SFMBT1: variants seen among roughly 807,000 people sequenced by gnomAD.
The protein encoded by SFMBT1 is Scm like with four mbt domains 1, also known as scm-like with four MBT domains protein 1.
In SFMBT1, 32 loss-of-function variants were observed where a neutral mutation model predicts 108.7. That is an observed-to-expected ratio of 0.29 (90% CI 0.22 to 0.40). The LOEUF is 0.40. Among genes scored for constraint, SFMBT1 ranks in the 10% least tolerant of loss-of-function variants. SFMBT1 has a pLI of 1.00. For missense variants in SFMBT1, 816 were observed against 1,059.6 expected, an observed-to-expected ratio of 0.77 and a Z score of 3.19; for synonymous variants, 348 against 369.5, an observed-to-expected ratio of 0.94 and a Z score of 0.67.
At chr3:52,957,572 A>C (rs748083656) in intron 2 of SFMBT1, among the ~76,000 whole-genome samples, 37 of 152,228 alleles carry the variant, frequency 2.4e-4, no homozygotes, top group Non-Finnish European at 4.9e-4. Flanking sequence ...ACTATACTAC[A>C]AGCCTCAAAA....
intron 3 of SFMBT1, among the ~76,000 whole-genome samples, chr3:52,946,986 G>A (rs1430358508): frequency 2.0e-5 from 3 of 151,902 alleles, no homozygotes; most frequent in Non-Finnish European, 4.4e-5. Context: ...TGGCCAGGCT[G>A]GTCTCTAACT....
At chr3:53,003,320 G>A (rs1373780721) in intron 1 of SFMBT1, among the ~76,000 whole-genome samples, 1 of 149,150 alleles carries the variant, frequency 6.7e-6, no homozygotes, top group East Asian at 2.0e-4. Context: ...TAATATTAAG[G>A]AATTATTCAT....
intron 1 of SFMBT1, among the ~76,000 whole-genome samples, chr3:53,037,235 G>C (rs1315005050): frequency 6.6e-6 from 1 of 152,180 alleles, no homozygotes. Context: ...ACTCTCCCTA[G>C]AAGGGGAGGC....
At chr3:53,003,953 A>T (rs1475318252) in intron 1 of SFMBT1, among the ~76,000 whole-genome samples, 1 of 149,802 alleles carries the variant, frequency 6.7e-6, no homozygotes, top group African/African-American at 2.4e-5. Context: ...GATATTTCCA[A>T]TTCCTAACCA....
At chr3:53,032,615 A>G (rs1158497782) in intron 1 of SFMBT1, among the ~76,000 whole-genome samples, 1 of 152,232 alleles carries the variant, frequency 6.6e-6, no homozygotes, top group Non-Finnish European at 1.5e-5. Flanking sequence ...ACATTTTCAA[A>G]TAGGAATAAC....
At chr3:52,932,353 T>A (rs376307615) in intron 5 of SFMBT1, 45 bp from the exon 6 acceptor site, 48 of 1,567,664 alleles carry the variant, frequency 3.1e-5, no homozygotes, top group Admixed American at 2.8e-4. Flanking sequence ...GAAATTAACA[T>A]AATATTTTTG....
At chr3:53,018,560 T>C (rs1378320419) in intron 1 of SFMBT1, among the ~76,000 whole-genome samples, 2 of 152,178 alleles carry the variant, frequency 1.3e-5, no homozygotes, top group Non-Finnish European at 2.9e-5. Flanking sequence ...AAAACCCCTT[T>C]GTGCCCTCCA....
At chr3:52,934,699 G>C (rs886351979) in intron 5 of SFMBT1, 114 bp downstream of exon 5, 22 of 828,224 alleles carry the variant, frequency 2.7e-5, no homozygotes, top group African/African-American at 5.1e-5. Context: ...CTATGCCTAT[G>C]TCTCTAATAA....
At chr3:53,001,375 G>T (rs756596054) in intron 1 of SFMBT1, among the ~76,000 whole-genome samples, 1 of 150,194 alleles carries the variant, frequency 6.7e-6, no homozygotes, top group Non-Finnish European at 1.5e-5. Context: ...AGGCTGCAGT[G>T]AGCCATGATC....
chr3:52,915,289 G>A (rs1404366903), intron 14 of SFMBT1, among the ~76,000 whole-genome samples: 1 of 152,224 alleles, frequency 6.6e-6, no homozygotes, highest in African/African-American at 2.4e-5. Context: ...GGCTGAGGTT[G>A]TGCAGAAGAT....
rs117496343 is a variant in SFMBT1 at position 53,013,370 on chromosome 3, G to A, written c.-131+32446C>T. Among the ~76,000 whole-genome samples, 162 of 151,652 alleles carry A rather than the reference G, an allele frequency of 1.1e-3. 3 individuals carry two copies. The East Asian group carries it at 0.014, about 14-fold the overall frequency. On this transcript the variant is annotated intron_variant, in intron 1 of 20. Transcript: ENST00000394752. The stretch of plus-strand genomic sequence containing the variant: ...ACTTAGAATTGCCAAAGAATATTAC[G>A]TCTTGAGTATAACTCTTAGTGGTAT...
At chr3:52,950,475 T>C (rs764694060) in intron 3 of SFMBT1, among the ~76,000 whole-genome samples, 3 of 152,194 alleles carry the variant, frequency 2.0e-5, no homozygotes, top group Non-Finnish European at 4.4e-5. Context: ...CTGTCATTAC[T>C]TTTTTTGTTT....
intron 1 of SFMBT1, among the ~76,000 whole-genome samples, chr3:53,042,851 A>C (rs192941367): frequency 1.4e-3 from 211 of 152,386 alleles, no homozygotes; most frequent in African/African-American, 5.0e-3. Flanking sequence ...ATAATAGCTA[A>C]GTCATCAATT....
Position 52,930,426 on chromosome 3 carries a change from T to C in SFMBT1, c.800A>G (p.Lys267Arg), listed in dbSNP as rs35652837. The C allele has an allele frequency of 1.3e-4, 213 of 1,603,006 alleles. No individual in the cohort carries two copies. The highest frequency in any genetic ancestry group is 1.7e-4 in the Non-Finnish European group (200 of 1,170,006). Residue 267 changes from lysine to arginine, a missense_variant, in exon 8 of 21, where the codon AAA (lysine) becomes AGA (arginine). Lys to Arg is a conservative substitution (Grantham distance 26, BLOSUM62 2). Around this residue, in one of 5 missense-constraint regions of SFMBT1, gnomAD observed 495 missense variants for 607.4 expected, o/e 0.81. Transcript: ENST00000394752. Reference sequence around the variant, plus strand: ...GAATGTATGAATGCCAATAACTTGTTTGTCCTGAAATGCAGACACCAAAAG... The same window carrying C: ...GAATGTATGAATGCCAATAACTTGTCTGTCCTGAAATGCAGACACCAAAAG... ...EPLPSYLFKD[K>R]QVIGIHTFSV... is the part of the protein sequence containing the mutation.
At chr3:52,947,652 G>A (rs934093815) in intron 3 of SFMBT1, among the ~76,000 whole-genome samples, 1 of 151,618 alleles carries the variant, frequency 6.6e-6, no homozygotes, top group African/African-American at 2.4e-5. Context: ...GATGTCTTTT[G>A]ATAAACAGAA....
intron 1 of SFMBT1, among the ~76,000 whole-genome samples, chr3:52,981,149 C>T (rs1315406474): frequency 2.2e-5 from 3 of 136,744 alleles, no homozygotes; most frequent in African/African-American, 8.2e-5. Flanking sequence ...GCAACAAGAG[C>T]GAAATTCCAT....
At chr3:53,022,494 T>C (rs1462812046) in intron 1 of SFMBT1, among the ~76,000 whole-genome samples, 2 of 148,468 alleles carry the variant, frequency 1.3e-5, no homozygotes, top group African/African-American at 2.5e-5. Flanking sequence ...ACCCTGTTTC[T>C]ATAAAAAACA....
chr3:53,038,535 T>C (rs971032429), intron 1 of SFMBT1, among the ~76,000 whole-genome samples: 25 of 152,190 alleles, frequency 1.6e-4, no homozygotes, highest in Non-Finnish European at 3.5e-4. Flanking sequence ...ATCCCACATT[T>C]ACTACATTAA....
intron 16 of SFMBT1, among the ~76,000 whole-genome samples, chr3:52,911,644 C>T (rs906948399): frequency 2.6e-5 from 4 of 152,194 alleles, no homozygotes; most frequent in Admixed American, 6.5e-5. Flanking sequence ...AATTTTATGT[C>T]TCTTACATCT....
Sources: gnomAD v4.1 joint callset for allele counts (sites outside exome capture counted in the v4.1 genomes callset) on GRCh38, gnomAD v4.1.1 for gene constraint, gnomAD v4.1.1 regional missense constraint, MANE v1.5 for transcripts, NCBI Gene and HGNC (gene_info 2026-07-23, HGNC 2026-07-21) for gene names.